Variants in FAM110B observed in about 807,000 individuals in gnomAD.
FAM110B encodes protein FAM110B.
In FAM110B, 6 loss-of-function variants were observed where a neutral mutation model predicts 20.4. That is an observed-to-expected ratio of 0.29 (90% CI 0.16 to 0.58). The LOEUF is 0.58. FAM110B is among the 20% of genes least tolerant of loss of function. The pLI, the probability that FAM110B is intolerant of heterozygous loss-of-function variation, is 0.90. For missense variants in FAM110B, 434 were observed against 498.2 expected (o/e 0.87, Z 1.23); for synonymous variants, 226 against 214.1 (o/e 1.06, Z -0.49).
chr8:58,054,618 C>A (rs1311418912), intron 2 of FAM110B, among the ~76,000 whole-genome samples: 1 of 152,124 alleles, frequency 6.6e-6, no homozygotes, highest in Non-Finnish European at 1.5e-5. Flanking sequence ...AAGATTGAGA[C>A]TGCAAGAACA....
At chr8:58,113,127 A>G (rs1807106252) in intron 3 of FAM110B, 1 of 152,078 alleles carries the variant, frequency 6.6e-6, no homozygotes, top group South Asian at 2.1e-4. Flanking sequence ...TCACCTCCCA[A>G]AGATCTTGCC....
At chr8:58,105,321 A>T (rs1337617348) in intron 3 of FAM110B, among the ~76,000 whole-genome samples, 1 of 152,116 alleles carries the variant, frequency 6.6e-6, no homozygotes, top group East Asian at 1.9e-4. Context: ...TGTGGATTAA[A>T]TGAGAAGATA....
At chr8:58,055,437 A>G (rs1283462586) in intron 2 of FAM110B, among the ~76,000 whole-genome samples, 1 of 152,014 alleles carries the variant, frequency 6.6e-6, no homozygotes, top group South Asian at 2.1e-4. Flanking sequence ...CTTTTTTGGT[A>G]TTTAAGTAGC....
rs1430286653 is a variant in FAM110B, at chr8:58,118,101, T to A, written c.-324-27806T>A. ...TAGCTTTATGTTTAGCTTTAAGTTT[T>A]AAAAATGTTTACCCCATTGTCATTA... On this transcript the variant is annotated intron_variant, in intron 3 of 3. Coordinates refer to ENST00000519262, the MANE Select transcript of FAM110B (RefSeq NM_001377989.1). Among the ~76,000 whole-genome samples the A allele has an allele frequency of 7.9e-5, 12 of 152,358 alleles. No individual in the cohort carries two copies. In the East Asian group the frequency reaches 1.7e-3, roughly 22 times the overall value.
At chr8:58,034,249 G>C (rs183788917) in intron 2 of FAM110B, among the ~76,000 whole-genome samples, 15 of 152,310 alleles carry the variant, frequency 9.8e-5, no homozygotes, top group Non-Finnish European at 1.5e-4. Flanking sequence ...TTTGGGTCTT[G>C]TGCTCCGGGT....
chr8:58,105,728 G>A (rs953286950), intron 3 of FAM110B, among the ~76,000 whole-genome samples: 1 of 151,326 alleles, frequency 6.6e-6, no homozygotes, highest in East Asian at 2.0e-4. Context: ...ACCACCATGC[G>A]TGGCTAATTT....
intron 3 of FAM110B, among the ~76,000 whole-genome samples, chr8:58,132,333 T>G (rs1803493935): frequency 6.6e-6 from 1 of 152,098 alleles, no homozygotes; most frequent in African/African-American, 2.4e-5. Context: ...GGAGTTTTGC[T>G]GTGAAAGCAG....
rs1185692086 is a variant in FAM110B, at chr8:58,147,516, C to T, written c.*173C>T. ...ACTGACCTGGCTTCCACGTCACCAT[C>T]GCTACAGAGCCTGGCTGAACACGCG... On this transcript the variant is annotated 3_prime_UTR_variant, in exon 4 of 4. Transcript: ENST00000519262. 1.3e-6 allele frequency: 1 copy of T among 774,168 alleles called. No individual in the cohort carries two copies. The highest frequency in any genetic ancestry group is 2.1e-6 in the Non-Finnish European group (1 of 485,364). The allele number at this position is 774,168 out of a possible 1,614,324, so 48.0% of individuals were successfully genotyped here.
At chr8:58,007,718 A>G (rs542870195) in intron 1 of FAM110B, among the ~76,000 whole-genome samples, 1 of 152,338 alleles carries the variant, frequency 6.6e-6, no homozygotes, top group African/African-American at 2.4e-5. Flanking sequence ...GACCCTCATC[A>G]GACGCTGGAT....
intron 1 of FAM110B, among the ~76,000 whole-genome samples, chr8:57,995,077 T>C (rs1804154198): frequency 2.0e-5 from 3 of 152,040 alleles, no homozygotes; most frequent in Non-Finnish European, 2.9e-5. Context: ...CCCTCTGCGC[T>C]CGGCTTGGCT....
At chr8:58,116,838 A>G (rs1283712350) in intron 3 of FAM110B, among the ~76,000 whole-genome samples, 1 of 152,252 alleles carries the variant, frequency 6.6e-6, no homozygotes, top group East Asian at 1.9e-4. Context: ...ATTCCATTTA[A>G]GGCTTATAAT....
At chr8:58,093,728 C>T (rs1033432193) in intron 3 of FAM110B, among the ~76,000 whole-genome samples, 5 of 152,086 alleles carry the variant, frequency 3.3e-5, no homozygotes, top group Non-Finnish European at 5.9e-5. Context: ...CTTGGCTATG[C>T]GGGCTCTTTT....
intron 1 of FAM110B, among the ~76,000 whole-genome samples, chr8:58,001,947 A>G (rs1481097368): frequency 6.6e-6 from 1 of 152,096 alleles, no homozygotes; most frequent in African/African-American, 2.4e-5. Flanking sequence ...CAAGATGGAG[A>G]CCCAGGAGAA....
At chr8:58,010,268 C>T (rs575731336) in intron 1 of FAM110B, among the ~76,000 whole-genome samples, 6 of 151,966 alleles carry the variant, frequency 3.9e-5, no homozygotes, top group African/African-American at 1.4e-4. Flanking sequence ...GTGATCTACC[C>T]GCCTTGGCCT....
intron 3 of FAM110B, among the ~76,000 whole-genome samples, chr8:58,103,344 C>T (rs1233466139): frequency 6.8e-6 from 1 of 147,522 alleles, no homozygotes; most frequent in Non-Finnish European, 1.5e-5. Flanking sequence ...CACAACAGTC[C>T]CCAGAGTGTG....
chr8:58,122,555 C>G (rs184853012), intron 3 of FAM110B, among the ~76,000 whole-genome samples: 4 of 152,180 alleles, frequency 2.6e-5, no homozygotes, highest in African/African-American at 9.6e-5. Context: ...TTCTTCAAGC[C>G]CACCTATTGA....
intron 2 of FAM110B, among the ~76,000 whole-genome samples, chr8:58,055,191 T>G (rs1438330253): frequency 6.6e-6 from 1 of 152,162 alleles, no homozygotes; most frequent in Non-Finnish European, 1.5e-5. Flanking sequence ...TGCGGCGAGT[T>G]AGCAGTGGGG....
At chr8:58,029,811 G>A (rs1326396578) in intron 1 of FAM110B, among the ~76,000 whole-genome samples, 2 of 152,140 alleles carry the variant, frequency 1.3e-5, no homozygotes, top group African/African-American at 2.4e-5. Context: ...TATTAGGATC[G>A]TTTTGATTTC....
chr8:58,042,918 A>T (rs1051448877), intron 2 of FAM110B, among the ~76,000 whole-genome samples: 1 of 152,202 alleles, frequency 6.6e-6, no homozygotes, highest in African/African-American at 2.4e-5. Flanking sequence ...AGCCTGGGAA[A>T]CTTTGCGTGG....
Sources: gnomAD v4.1 joint callset for allele counts (sites outside exome capture counted in the v4.1 genomes callset) on GRCh38, gnomAD v4.1.1 for gene constraint, MANE v1.5 for transcripts, NCBI Gene and HGNC (gene_info 2026-07-23, HGNC 2026-07-21) for gene names.